SELENOT: variants seen among roughly 807,000 people sequenced by gnomAD.
SELENOT encodes thioredoxin reductase-like selenoprotein T.
SELENOT carries 9 observed loss-of-function variants against 24.3 expected under a neutral mutation model. That is an observed-to-expected ratio of 0.37 (90% CI 0.22 to 0.65). The LOEUF is 0.65. SELENOT is among the 30% of genes least tolerant of loss of function. The pLI is 0.60. For synonymous variants in SELENOT, 81 were observed against 86.0 expected, an observed-to-expected ratio of 0.94 and a Z score of 0.32; for missense variants, 166 against 247.6, an observed-to-expected ratio of 0.67 and a Z score of 2.21.
intron 1 of SELENOT, among the ~76,000 whole-genome samples, chr3:150,617,538 CTT>C (rs1208410657): frequency 6.6e-6 from 1 of 152,028 alleles, no homozygotes; most frequent in Non-Finnish European, 1.5e-5. Context: ...TTATCTTGTA[CTT>C]TTACCTGTTG....
At chr3:150,614,234 A>G (rs1726163390) in intron 1 of SELENOT, among the ~76,000 whole-genome samples, 1 of 152,214 alleles carries the variant, frequency 6.6e-6, no homozygotes, top group South Asian at 2.1e-4. Flanking sequence ...GGAGCTGTGA[A>G]TGGAGGCAGG....
At chr3:150,618,070 T>C (rs1054278259) in intron 1 of SELENOT, among the ~76,000 whole-genome samples, 5 of 152,178 alleles carry the variant, frequency 3.3e-5, no homozygotes, top group African/African-American at 1.2e-4. Context: ...TTGGCCAGGC[T>C]GGTCTCAAAC....
intron 1 of SELENOT, 190 bp downstream of exon 1, chr3:150,603,689 A>G (rs1311646720): frequency 5.0e-6 from 3 of 594,306 alleles, no homozygotes; most frequent in African/African-American, 3.8e-5. Flanking sequence ...TTTTCCAGGT[A>G]TAACTGCTCA....
At chr3:150,615,211 C>A (rs1726184856) in intron 1 of SELENOT, among the ~76,000 whole-genome samples, 1 of 151,764 alleles carries the variant, frequency 6.6e-6, no homozygotes, top group South Asian at 2.1e-4. Flanking sequence ...TTTTTTATGG[C>A]TGCATAGTAT....
chr3:150,621,718 G>C (rs552372724), intron 1 of SELENOT, among the ~76,000 whole-genome samples: 3 of 133,204 alleles, frequency 2.3e-5, no homozygotes, highest in Admixed American at 1.8e-4. Flanking sequence ...AGGATTTTCT[G>C]TCCATATTAT....
At chr3:150,627,597 TC>T (rs1726471183) in intron 5 of SELENOT, 61 bp from the exon 6 acceptor site, 1 of 153,072 alleles carries the variant, frequency 6.5e-6, no homozygotes, top group Non-Finnish European at 1.5e-5. Flanking sequence ...GAATTCACTT[TC>T]TAAAGAGTTT....
intron 1 of SELENOT, among the ~76,000 whole-genome samples, chr3:150,609,377 TCTCA>T (rs1726035333): frequency 6.6e-6 from 1 of 152,122 alleles, no homozygotes; most frequent in African/African-American, 2.4e-5. Context: ...TGAGACTGGG[TCTCA>T]CTCTGTCACC....
At chr3:150,607,480 C>T (rs1261403092) in intron 1 of SELENOT, among the ~76,000 whole-genome samples, 2 of 152,230 alleles carry the variant, frequency 1.3e-5, no homozygotes, top group Non-Finnish European at 2.9e-5. Flanking sequence ...TCTGTGCAGG[C>T]ACTTTGCTTC....
intron 1 of SELENOT, among the ~76,000 whole-genome samples, chr3:150,615,173 T>C (rs1228230280): frequency 6.6e-6 from 1 of 150,846 alleles, no homozygotes; most frequent in African/African-American, 2.4e-5. Context: ...ATTTCATCCA[T>C]GTCCCTACAA....
chr3:150,613,612 A>G (rs1726145910), intron 1 of SELENOT, among the ~76,000 whole-genome samples: 1 of 150,358 alleles, frequency 6.7e-6, no homozygotes, highest in Non-Finnish European at 1.5e-5. Context: ...GATGCAGCAA[A>G]GGTTAAATAC....
chr3:150,611,004 C>CATGTGTGTGT (rs1553748599), intron 1 of SELENOT, among the ~76,000 whole-genome samples: 2 of 145,396 alleles, frequency 1.4e-5, no homozygotes, highest in African/African-American at 5.1e-5. Context: ...CATCATGAGT[C>CATGTGTGTGT]GTGTGTGTGT....
chr3:150,611,939 G>A, intron 1 of SELENOT: 1 of 834,368 alleles, frequency 1.2e-6, no homozygotes, highest in African/African-American at 1.8e-5. Flanking sequence ...CGCTCCGTCG[G>A]CGGCAGTTCA....
intron 1 of SELENOT, among the ~76,000 whole-genome samples, chr3:150,621,795 TTCTAAG>T (rs1220466245): frequency 2.6e-5 from 4 of 152,048 alleles, no homozygotes; most frequent in African/African-American, 4.8e-5. Flanking sequence ...GTTAGAAGGG[TTCTAAG>T]TCTAAGTTCC....
chr3:150,626,899 G>T, intron 4 of SELENOT, 111 bp from the exon 5 acceptor site: 7 of 1,062,988 alleles, frequency 6.6e-6, no homozygotes, highest in Admixed American at 5.7e-5. Flanking sequence ...GTACTTTTTT[G>T]CCTACTTTTG....
At chr3:150,608,149 A>G (rs1670215468) in intron 1 of SELENOT, among the ~76,000 whole-genome samples, 1 of 152,204 alleles carries the variant, frequency 6.6e-6, no homozygotes, top group South Asian at 2.1e-4. Context: ...CTGGAATGAT[A>G]ATTAAAATAA....
rs1398733780 is a variant in SELENOT at position 150,627,142 on chromosome 3, T to C, written c.*8T>C. On this transcript the variant is annotated 3_prime_UTR_variant, in exon 5 of 6. Transcript: ENST00000471696. Reference sequence around the variant, plus strand: ...CCACACCATCGATCATAGCACCACCTATCAGCACTGAAAACTCTTTTGTAA... The same window carrying C: ...CCACACCATCGATCATAGCACCACCCATCAGCACTGAAAACTCTTTTGTAA... 1 of 1,608,954 alleles carries C rather than the reference T, an allele frequency of 6.2e-7. No homozygotes were observed. The highest frequency in any genetic ancestry group is 8.5e-7 in the Non-Finnish European group (1 of 1,177,392).
At chr3:150,626,224 C>A (rs1312119408) in intron 4 of SELENOT, among the ~76,000 whole-genome samples, 1 of 152,078 alleles carries the variant, frequency 6.6e-6, no homozygotes, top group Non-Finnish European at 1.5e-5. Flanking sequence ...TTGAGTGTTC[C>A]CAATTCATTA....
intron 1 of SELENOT, among the ~76,000 whole-genome samples, chr3:150,616,213 A>T (rs1405800358): frequency 6.8e-6 from 1 of 147,604 alleles, no homozygotes; most frequent in Admixed American, 6.8e-5. Context: ...GATGGATTAA[A>T]GACTTAAACA....
chr3:150,611,560 C>T, intron 1 of SELENOT: 2 of 1,219,472 alleles, frequency 1.6e-6, no homozygotes, highest in Non-Finnish European at 2.4e-6. Context: ...GTTTCGAATA[C>T]TCTGAATTAA....
Sources: allele counts gnomAD v4.1 joint callset (sites outside exome capture counted in the v4.1 genomes callset), GRCh38; gene constraint gnomAD v4.1.1; transcripts MANE v1.5; gene names NCBI Gene and HGNC (gene_info 2026-07-23, HGNC 2026-07-21).